The following AK4 variants were observed in gnomAD, a reference collection of about 807,000 sequenced individuals.
AK4 encodes adenylate kinase 4, mitochondrial.
Under a neutral mutation model 24.6 loss-of-function variants are expected in AK4, and 13 were observed. The observed-to-expected ratio is 0.53, with a 90% CI of 0.34 to 0.84. The LOEUF (loss-of-function observed/expected upper bound fraction) is 0.84. AK4 is among the 40% of genes least tolerant of loss of function. The pLI is 0.01. For synonymous variants in AK4, 88 were observed against 107.0 expected, an observed-to-expected ratio of 0.82 and a Z score of 1.10; for missense variants, 192 against 288.2, an observed-to-expected ratio of 0.67 and a Z score of 2.42.
chr1:65,167,945 G>T (rs567497840), intron 1 of AK4, among the ~76,000 whole-genome samples: 74 of 152,196 alleles, frequency 4.9e-4, no homozygotes, highest in African/African-American at 1.7e-3. Flanking sequence ...GAAAATAGTT[G>T]CTAGGCAGCA....
chr1:65,207,600 C>A lies in AK4; in HGVS notation c.266-11154C>A, dbSNP rs889372216. Among the ~76,000 whole-genome samples, 3 of 147,700 alleles carry A rather than the reference C, an allele frequency of 2.0e-5. No individual in the cohort carries two copies. In the Admixed American group the frequency reaches 2.1e-4, roughly 10 times the overall value. ...ACTTTCATTTTAGGTTTAGGGGATACATGTGCAGGTTCGTTACACGGGTAA... is the reference window on the plus strand; with the variant it reads ...ACTTTCATTTTAGGTTTAGGGGATAAATGTGCAGGTTCGTTACACGGGTAA... On this transcript the variant is annotated intron_variant, in intron 2 of 4. Coordinates refer to ENST00000327299, the MANE Select transcript of AK4 (RefSeq NM_013410.4).
At chr1:65,158,810 A>T (rs1408058160) in intron 1 of AK4, among the ~76,000 whole-genome samples, 1 of 151,868 alleles carries the variant, frequency 6.6e-6, no homozygotes, top group Non-Finnish European at 1.5e-5. Flanking sequence ...CCCGGCCCAA[A>T]CTAGATTTTT....
chr1:65,155,498 T>C (rs531965090), intron 1 of AK4, among the ~76,000 whole-genome samples: 2 of 152,020 alleles, frequency 1.3e-5, no homozygotes, highest in Non-Finnish European at 2.9e-5. Flanking sequence ...AAATGAAAAA[T>C]ATTTTATTTA....
chr1:65,166,307 A>C (rs1650326407), intron 1 of AK4, among the ~76,000 whole-genome samples: 1 of 108,872 alleles, frequency 9.2e-6, no homozygotes, highest in African/African-American at 3.4e-5. Context: ...AGTGGGATTT[A>C]AGCTGTGTGT....
chr1:65,148,926 C>A, intron 1 of AK4: 1 of 158,864 alleles, frequency 6.3e-6, no homozygotes, highest in African/African-American at 2.4e-5. Context: ...CCCCCTCCCC[C>A]GAGTCCCTAG....
At chr1:65,215,224 T>C (rs1182696297) in intron 2 of AK4, among the ~76,000 whole-genome samples, 2 of 151,580 alleles carry the variant, frequency 1.3e-5, no homozygotes, top group South Asian at 2.1e-4. Context: ...CAGGCTGGAG[T>C]GCAGTGGCAC....
intron 2 of AK4, among the ~76,000 whole-genome samples, chr1:65,216,488 C>G (rs1179484634): frequency 6.6e-6 from 1 of 152,160 alleles, no homozygotes; most frequent in Non-Finnish European, 1.5e-5. Flanking sequence ...CCCCAAAGTT[C>G]AAATATTTTC....
At chr1:65,169,622 G>A (rs1280014051) in intron 1 of AK4, among the ~76,000 whole-genome samples, 1 of 152,146 alleles carries the variant, frequency 6.6e-6, no homozygotes, top group African/African-American at 2.4e-5. Flanking sequence ...CCAGTGAAAA[G>A]TTTAAGGGGG....
chr1:65,170,479 G>A (rs916567820), intron 1 of AK4, among the ~76,000 whole-genome samples: 2 of 152,188 alleles, frequency 1.3e-5, no homozygotes, highest in Admixed American at 6.5e-5. Context: ...AACACTGCTG[G>A]AGCTCAGATC....
chr1:65,165,107 A>T lies in AK4; in HGVS notation c.145+16555A>T, dbSNP rs545739411. Among the ~76,000 whole-genome samples the T allele has an allele frequency of 8.7e-4, 133 of 152,350 alleles. 1 individual carries two copies. Among genetic ancestry groups the T allele is most frequent in the African/African-American group, 3.0e-3 (126 of 41,594 alleles). On this transcript the variant is annotated intron_variant, in intron 1 of 4. Transcript: ENST00000327299. ...ACTCAATTATTTTATAAAGCAAATT[A>T]TATTGAGTGCTATAAAAATAGGAAT...
chr1:65,188,224 G>C (rs1404290443), intron 1 of AK4, among the ~76,000 whole-genome samples: 1 of 151,988 alleles, frequency 6.6e-6, no homozygotes, highest in African/African-American at 2.4e-5. Context: ...GTGAAACCCT[G>C]TCTCTACTAA....
chr1:65,172,126 A>AAT (rs1399488169), intron 1 of AK4, among the ~76,000 whole-genome samples: 17 of 119,074 alleles, frequency 1.4e-4, no homozygotes, highest in Non-Finnish European at 2.5e-4. Context: ...ACACTTCCCA[A>AAT]ATATATATAT....
At chr1:65,189,869 ACT>A (rs1651236059) in intron 1 of AK4, among the ~76,000 whole-genome samples, 1 of 152,118 alleles carries the variant, frequency 6.6e-6, no homozygotes, top group Non-Finnish European at 1.5e-5. Context: ...CACTAACAAC[ACT>A]CAGCTGCTTT....
chr1:65,185,590 AAT>A (rs1651069155), intron 1 of AK4, among the ~76,000 whole-genome samples: 1 of 151,804 alleles, frequency 6.6e-6, no homozygotes, highest in Admixed American at 6.6e-5. Context: ...ATGCTGAAGA[AAT>A]AAGGTTGGGC....
chr1:65,154,673 T>G (rs909327082), intron 1 of AK4: 2 of 419,466 alleles, frequency 4.8e-6, no homozygotes, highest in African/African-American at 4.0e-5. Flanking sequence ...CAAAGGATTA[T>G]CCAAGGCATC....
intron 1 of AK4, among the ~76,000 whole-genome samples, chr1:65,176,603 A>G (rs1650723384): frequency 6.6e-6 from 1 of 152,156 alleles, no homozygotes; most frequent in South Asian, 2.1e-4. Context: ...GTTTAAGGAA[A>G]GCTGGTGTGG....
At chr1:65,176,409 C>T (rs1350937373) in intron 1 of AK4, among the ~76,000 whole-genome samples, 4 of 152,210 alleles carry the variant, frequency 2.6e-5, no homozygotes, top group East Asian at 1.9e-4. Flanking sequence ...TCTCAGGAAG[C>T]GTTCTAGGGA....
intron 2 of AK4, among the ~76,000 whole-genome samples, chr1:65,199,086 CAAAAA>C (rs34278926): frequency 1.9e-5 from 2 of 104,142 alleles, no homozygotes. Context: ...GACTCCGCCT[CAAAAA>C]AAAAAAAAAA....
chr1:65,209,829 T>G (rs997785912), intron 2 of AK4, among the ~76,000 whole-genome samples: 13 of 152,060 alleles, frequency 8.5e-5, no homozygotes, highest in Admixed American at 8.5e-4. Flanking sequence ...TTTTTTGAGA[T>G]AAGAGTCTTG....
Sources: allele counts gnomAD v4.1 joint callset (sites outside exome capture counted in the v4.1 genomes callset), GRCh38; gene constraint gnomAD v4.1.1; transcripts MANE v1.5; gene names NCBI Gene and HGNC (gene_info 2026-07-23, HGNC 2026-07-21).